The following FAF1 variants were observed in gnomAD, a reference collection of about 807,000 sequenced individuals.
The protein encoded by FAF1 is Fas associated factor 1, also known as FAS-associated factor 1.
In FAF1, 25 loss-of-function variants were observed where a neutral mutation model predicts 92.5. That is an observed-to-expected ratio of 0.27 (90% confidence interval 0.20 to 0.38). The LOEUF (loss-of-function observed/expected upper bound fraction) is 0.38, where lower values mean the gene tolerates loss of function less well. Among genes scored for constraint, FAF1 ranks in the 10% least tolerant of loss-of-function variants. The pLI, the probability that FAF1 is intolerant of heterozygous loss-of-function variation, is 1.00. For synonymous variants in FAF1, 234 were observed against 273.2 expected, an observed-to-expected ratio of 0.86 and a Z score of 1.42; for missense variants, 636 against 793.3, an observed-to-expected ratio of 0.80 and a Z score of 2.38.
intron 12 of FAF1, among the ~76,000 whole-genome samples, chr1:50,572,740 T>G (rs1333537607): frequency 6.6e-6 from 1 of 152,178 alleles, no homozygotes; most frequent in Non-Finnish European, 1.5e-5. Flanking sequence ...AAAACTCTTT[T>G]CTAGATGGGA....
At chr1:50,750,931 C>A (rs965861966) in intron 4 of FAF1, among the ~76,000 whole-genome samples, 9 of 151,118 alleles carry the variant, frequency 6.0e-5, no homozygotes, top group Non-Finnish European at 1.2e-4. Flanking sequence ...CCAGATTTAT[C>A]CATGTTTATA....
chr1:50,723,184 T>C (rs1265932043), intron 6 of FAF1, among the ~76,000 whole-genome samples: 1 of 152,124 alleles, frequency 6.6e-6, no homozygotes, highest in East Asian at 1.9e-4. Flanking sequence ...GTGGACCACC[T>C]GAGTTCAGAA....
intron 1 of FAF1, among the ~76,000 whole-genome samples, chr1:50,905,335 C>T (rs1044486828): frequency 2.6e-5 from 4 of 152,156 alleles, no homozygotes; most frequent in East Asian, 1.9e-4. Flanking sequence ...TGAATAGTGC[C>T]GCAATAAACA....
intron 1 of FAF1, among the ~76,000 whole-genome samples, chr1:50,940,496 C>T (rs1170912143): frequency 6.6e-6 from 1 of 152,094 alleles, no homozygotes; most frequent in East Asian, 1.9e-4. Flanking sequence ...CACGTGGTCT[C>T]AAGCAATTCT....
intron 8 of FAF1, among the ~76,000 whole-genome samples, chr1:50,647,760 G>A (rs533751120): frequency 3.6e-4 from 55 of 152,204 alleles, no homozygotes; most frequent in Middle Eastern, 3.4e-3. Flanking sequence ...CGACAGTTAC[G>A]GAGACTGAGA....
intron 7 of FAF1, among the ~76,000 whole-genome samples, chr1:50,689,996 T>C (rs1656848633): frequency 6.9e-6 from 1 of 145,178 alleles, no homozygotes; most frequent in Admixed American, 6.8e-5. Context: ...TATATTTCTT[T>C]TTTTTTTTTT....
intron 7 of FAF1, among the ~76,000 whole-genome samples, chr1:50,694,855 C>T (rs544425147): frequency 6.2e-4 from 93 of 150,320 alleles, no homozygotes; most frequent in Non-Finnish European, 1.2e-3. Flanking sequence ...CCCAGCTACT[C>T]GGGAGGCTGA....
At chr1:50,939,033 T>C (rs1162317966) in intron 1 of FAF1, among the ~76,000 whole-genome samples, 2 of 152,218 alleles carry the variant, frequency 1.3e-5, no homozygotes, top group African/African-American at 4.8e-5. Context: ...TGCTTAGGAA[T>C]GCTTTGGCTA....
intron 8 of FAF1, among the ~76,000 whole-genome samples, chr1:50,643,142 T>C (rs1654426859): frequency 6.6e-6 from 1 of 152,244 alleles, no homozygotes; most frequent in Non-Finnish European, 1.5e-5. Flanking sequence ...TTCTCTGTTT[T>C]ATTTGTACTT....
chr1:50,914,803 G>A (rs911405883), intron 1 of FAF1, among the ~76,000 whole-genome samples: 3 of 151,880 alleles, frequency 2.0e-5, no homozygotes, highest in Non-Finnish European at 4.4e-5. Context: ...GGTCATCCTA[G>A]ACCTCCCCTT....
intron 2 of FAF1, among the ~76,000 whole-genome samples, chr1:50,830,262 C>A (rs1255527491): frequency 6.6e-6 from 1 of 152,138 alleles, no homozygotes. Context: ...GGACTACAGG[C>A]ACGTGCCACC....
chr1:50,711,815 C>T (rs1349139692), intron 6 of FAF1, among the ~76,000 whole-genome samples: 3 of 152,126 alleles, frequency 2.0e-5, no homozygotes, highest in Non-Finnish European at 4.4e-5. Flanking sequence ...CACATTCGTG[C>T]TCCTTATGAG....
intron 1 of FAF1, among the ~76,000 whole-genome samples, chr1:50,894,400 G>A (rs1008676820): frequency 5.3e-5 from 8 of 151,732 alleles, no homozygotes; most frequent in Middle Eastern, 6.8e-3. Flanking sequence ...AGGACAGTGG[G>A]CTCCCCACTC....
At chr1:50,738,443 CAAAAAAAAA>C (rs533056212) in intron 6 of FAF1, among the ~76,000 whole-genome samples, 3 of 79,078 alleles carry the variant, frequency 3.8e-5, no homozygotes, top group African/African-American at 8.4e-5. Flanking sequence ...AACTCCGTCG[CAAAAAAAAA>C]AAAAAAAAAA....
intron 14 of FAF1, among the ~76,000 whole-genome samples, chr1:50,538,947 C>T (rs1001483380): frequency 4.6e-5 from 7 of 152,144 alleles, no homozygotes; most frequent in African/African-American, 1.7e-4. Context: ...AAAATCTTTT[C>T]CCCAGTGGCA....
intron 4 of FAF1, among the ~76,000 whole-genome samples, chr1:50,761,327 A>G (rs1660317223): frequency 6.6e-6 from 1 of 152,226 alleles, no homozygotes; most frequent in South Asian, 2.1e-4. Flanking sequence ...AATCCTCCCT[A>G]ACTCATTTGA....
intron 8 of FAF1, among the ~76,000 whole-genome samples, chr1:50,615,677 T>G (rs1652882756): frequency 6.6e-6 from 1 of 152,232 alleles, no homozygotes; most frequent in African/African-American, 2.4e-5. Flanking sequence ...GAGAAATGTC[T>G]GTTTATATCC....
intron 1 of FAF1, among the ~76,000 whole-genome samples, chr1:50,954,987 G>A (rs1485328137): frequency 1.3e-5 from 2 of 152,188 alleles, no homozygotes; most frequent in Non-Finnish European, 2.9e-5. Context: ...GGGTAACAGA[G>A]TGAGACCCTG....
intron 15 of FAF1, among the ~76,000 whole-genome samples, chr1:50,528,393 G>A (rs1157379053): frequency 6.6e-6 from 1 of 152,190 alleles, no homozygotes; most frequent in Admixed American, 6.5e-5. Context: ...CAGAGAGGTA[G>A]ATCATTAGGC....
Sources: gnomAD v4.1 joint callset for allele counts (sites outside exome capture counted in the v4.1 genomes callset) on GRCh38, gnomAD v4.1.1 for gene constraint, MANE v1.5 for transcripts, NCBI Gene and HGNC (gene_info 2026-07-23, HGNC 2026-07-21) for gene names.